The following FBN1 variants were observed in gnomAD, a reference collection of about 807,000 sequenced individuals.
FBN1 encodes fibrillin-1.
FBN1 carries 29 observed loss-of-function variants against 365.1 expected under a neutral mutation model. The ratio of observed to expected loss-of-function variants is 0.08; its 90% confidence interval spans 0.06 to 0.11. The LOEUF is 0.11. Among genes scored for constraint, FBN1 ranks in the 10% least tolerant of loss-of-function variants. FBN1 has a pLI of 1.00. For synonymous variants in FBN1, 1,210 were observed against 1,270.5 expected, an observed-to-expected ratio of 0.95 and a Z score of 1.01; for missense variants, 2,476 against 3,703.2, an observed-to-expected ratio of 0.67 and a Z score of 8.60.
chr15:48,610,671 G>A lies in FBN1; in HGVS notation c.346+57C>T, dbSNP rs969100026. On this transcript the variant is annotated intron_variant, in intron 4 of 65. Transcript: ENST00000316623. ...AGGAAAGCCAAAATCAAATTTAGGA[G>A]AAAATGGGGTATAACCACATAAAAT... 4 of 1,323,936 alleles carry A rather than the reference G, an allele frequency of 3.0e-6. No individual in the cohort carries two copies. The African/African-American group carries it at 5.9e-5, about 19-fold the overall frequency. The allele number at this position is 1,323,936 out of a possible 1,614,324, so 82.0% of individuals were successfully genotyped here. A position where few individuals can be genotyped will look rare whatever the true frequency, so the allele number is the denominator to read the frequency against.
intron 50 of FBN1, among the ~76,000 whole-genome samples, chr15:48,438,513 G>A (rs2043089841): frequency 6.6e-6 from 1 of 152,160 alleles, no homozygotes; most frequent in South Asian, 2.1e-4. Context: ...TACTCCCGGA[G>A]ATGCTGGCTA....
intron 5 of FBN1, among the ~76,000 whole-genome samples, chr15:48,598,995 C>T (rs186535578): frequency 1.7e-4 from 26 of 152,234 alleles, no homozygotes; most frequent in African/African-American, 6.0e-4. Context: ...TGCTGCCATC[C>T]ATGTAAGACG....
chr15:48,470,864 T>C (rs970201912), intron 35 of FBN1, 108 bp from the exon 36 acceptor site: 1 of 1,251,696 alleles, frequency 8.0e-7, no homozygotes, highest in Non-Finnish European at 1.1e-6. Context: ...ATGCAGAGTA[T>C]CTAACACCAA....
At chr15:48,619,334 A>C (rs1276903119) in intron 2 of FBN1, among the ~76,000 whole-genome samples, 1 of 152,118 alleles carries the variant, frequency 6.6e-6, no homozygotes, top group Non-Finnish European at 1.5e-5. Flanking sequence ...GAACAGAATG[A>C]ATAATAGATT....
At chr15:48,497,139 A>G (rs2043614735) in intron 19 of FBN1, 127 bp downstream of exon 19, 2 of 1,060,300 alleles carry the variant, frequency 1.9e-6, no homozygotes, top group South Asian at 1.3e-5. Flanking sequence ...ATGCTGTGCT[A>G]ACATCCGAAG....
At position 48,409,323 on chromosome 15, in the gene FBN1, T is replaced by A. The variant is rs929086444; in HGVS notation, c.*1667A>T. 1.3e-5 allele frequency: 2 copies of A among 152,186 alleles called. No individual in the cohort carries two copies. Among genetic ancestry groups the A allele is most frequent in the Non-Finnish European group, 2.9e-5 (2 of 68,038 alleles). The allele number at this position is 152,186 out of a possible 1,614,324, so 9.4% of individuals were successfully genotyped here. On this transcript the variant is annotated 3_prime_UTR_variant, in exon 66 of 66. Coordinates refer to ENST00000316623, the MANE Select transcript of FBN1 (RefSeq NM_000138.5). Reference sequence around the variant, plus strand: ...CTGACCCTGGTTTTGCCTTCCGGAATAGTATGAGCCAAATCTACTCCATTT... The same window carrying A: ...CTGACCCTGGTTTTGCCTTCCGGAAAAGTATGAGCCAAATCTACTCCATTT...
chr15:48,436,522 C>T (rs1361741482), intron 53 of FBN1, among the ~76,000 whole-genome samples: 1 of 151,454 alleles, frequency 6.6e-6, no homozygotes, highest in African/African-American at 2.4e-5. Context: ...AACAGGGTTA[C>T]AAAAAAAAGA....
chr15:48,503,803 A>G lies in FBN1; in HGVS notation c.2097T>C (p.Cys699=). ...ACCACATACCTGAATTCTGTGCAGG[A>G]CACGGCTGGCAAGGTTCCCCAAATG... ...EYAFGEPCQP[C]PAQNSAEYQA... The change falls in exon 17 of 66, where the codon TGT becomes TGC. Residue 699 remains cysteine (C), a synonymous_variant. Transcript: ENST00000316623. The G allele has an allele frequency of 6.2e-7, 1 of 1,613,984 alleles. No homozygotes were observed. The highest frequency in any genetic ancestry group is 8.5e-7 in the Non-Finnish European group (1 of 1,179,958).
chr15:48,420,975 C>T (rs2042937003), intron 62 of FBN1, among the ~76,000 whole-genome samples, 169 bp from the exon 63 acceptor site: 1 of 152,184 alleles, frequency 6.6e-6, no homozygotes, highest in African/African-American at 2.4e-5. Flanking sequence ...GAAAATCATT[C>T]AGAGAGCCCT....
intron 6 of FBN1, among the ~76,000 whole-genome samples, chr15:48,565,328 G>T (rs577789066): frequency 3.3e-5 from 5 of 152,192 alleles, no homozygotes; most frequent in African/African-American, 1.2e-4. Context: ...AAAAAATTAT[G>T]TGGCCTTTGT....
At chr15:48,516,761 G>A (rs186162264) in intron 10 of FBN1, among the ~76,000 whole-genome samples, 1 of 152,234 alleles carries the variant, frequency 6.6e-6, no homozygotes, top group Non-Finnish European at 1.5e-5. Context: ...GTCTTCAACG[G>A]GGGTGGGACA....
intron 45 of FBN1, among the ~76,000 whole-genome samples, chr15:48,452,202 T>C (rs181749015): frequency 6.6e-6 from 1 of 152,272 alleles, no homozygotes; most frequent in Non-Finnish European, 1.5e-5. Flanking sequence ...AGGAAAAAAA[T>C]CATTTGGTCC....
chr15:48,622,006 A>G (rs1188416631), intron 2 of FBN1, among the ~76,000 whole-genome samples: 1 of 152,098 alleles, frequency 6.6e-6, no homozygotes, highest in Non-Finnish European at 1.5e-5. Flanking sequence ...TCAAAAAAAA[A>G]AAAAAGAAAA....
chr15:48,551,448 A>G (rs946296307), intron 6 of FBN1, among the ~76,000 whole-genome samples: 2 of 152,014 alleles, frequency 1.3e-5, no homozygotes, highest in East Asian at 3.9e-4. Context: ...TGCAATATAG[A>G]GCAAAGATAA....
At chr15:48,467,545 G>C (rs2043332834) in intron 38 of FBN1, among the ~76,000 whole-genome samples, 1 of 152,156 alleles carries the variant, frequency 6.6e-6, no homozygotes, top group Non-Finnish European at 1.5e-5. Flanking sequence ...TTTTATAGTT[G>C]CTTAACTAAT....
intron 21 of FBN1, 26 bp from the exon 22 acceptor site, chr15:48,495,286 T>C (rs1160940941): frequency 2.5e-6 from 4 of 1,611,610 alleles, no homozygotes; most frequent in Admixed American, 1.7e-5. Context: ...TAATATTTAA[T>C]AGAATCTATA....
intron 55 of FBN1, among the ~76,000 whole-genome samples, chr15:48,432,199 G>C (rs1278127315): frequency 6.6e-6 from 1 of 152,006 alleles, no homozygotes; most frequent in Non-Finnish European, 1.5e-5. Context: ...CATATGATTA[G>C]GACCTTTCAT....
intron 44 of FBN1, among the ~76,000 whole-genome samples, chr15:48,453,342 A>T (rs2043216877): frequency 6.9e-6 from 1 of 145,696 alleles, no homozygotes; most frequent in Non-Finnish European, 1.5e-5. Flanking sequence ...GGAAAAAGAA[A>T]AAGAAGAAAA....
chr15:48,446,992 A>T (rs2043165224), intron 46 of FBN1, among the ~76,000 whole-genome samples, 170 bp from the exon 47 acceptor site: 1 of 152,206 alleles, frequency 6.6e-6, no homozygotes, highest in Admixed American at 6.5e-5. Flanking sequence ...GATACCAGGC[A>T]GCGGCAAAGC....
Sources: gnomAD v4.1 joint callset for allele counts (sites outside exome capture counted in the v4.1 genomes callset) on GRCh38, gnomAD v4.1.1 for gene constraint, MANE v1.5 for transcripts, NCBI Gene and HGNC (gene_info 2026-07-23, HGNC 2026-07-21) for gene names.